Variants in PTH2R observed in about 807,000 individuals in gnomAD.
PTH2R encodes the protein parathyroid hormone 2 receptor, also known as PTH2 receptor.
Under a neutral mutation model 60.3 loss-of-function variants are expected in PTH2R, and 59 were observed. The ratio of observed to expected loss-of-function variants is 0.98; its 90% CI spans 0.79 to 1.22. The LOEUF (loss-of-function observed/expected upper bound fraction) is 1.22. Ranked by LOEUF, PTH2R falls within the 50% of genes most tolerant of loss-of-function variation. The probability of loss-of-function intolerance (pLI) is 0.00; values close to 1 mark genes in which losing one functional copy is unlikely to be tolerated. For missense variants in PTH2R, 749 were observed against 682.6 expected, an observed-to-expected ratio of 1.10 and a Z score of -1.08; for synonymous variants, 256 against 243.8, an observed-to-expected ratio of 1.05 and a Z score of -0.47.
intron 1 of PTH2R, among the ~76,000 whole-genome samples, chr2:208,377,812 A>G (rs895456253): frequency 2.1e-5 from 3 of 145,664 alleles, no homozygotes; most frequent in African/African-American, 7.8e-5. Flanking sequence ...ATCTCAGACG[A>G]TGGGCGGCCG....
upstream of PTH2R, among the ~76,000 whole-genome samples, chr2:208,405,106 CT>C (rs1412129855): frequency 6.6e-6 from 1 of 152,180 alleles, no homozygotes; most frequent in African/African-American, 2.4e-5. Context: ...TTCAAAATAT[CT>C]TTCCCATTAA....
At chr2:208,388,136 C>CCCCG (rs1553541000) in intron 1 of PTH2R, among the ~76,000 whole-genome samples, 1 of 149,114 alleles carries the variant, frequency 6.7e-6, no homozygotes, top group Admixed American at 6.7e-5. Context: ...GGTGAAACCC[C>CCCCG]CCCCCCCGTC....
intron 1 of PTH2R, among the ~76,000 whole-genome samples, chr2:208,415,316 T>C (rs1701618192): frequency 6.6e-6 from 1 of 152,170 alleles, no homozygotes; most frequent in South Asian, 2.1e-4. Flanking sequence ...AAAAGGACAA[T>C]ATTTTGTAAG....
chr2:208,362,837 A>T (rs1700503889), intron 1 of PTH2R, among the ~76,000 whole-genome samples: 1 of 150,466 alleles, frequency 6.6e-6, no homozygotes, highest in Middle Eastern at 3.2e-3. Flanking sequence ...AACACTTATT[A>T]GTGTGTGTGT....
At chr2:208,441,363 G>T (rs1702179885) in intron 4 of PTH2R, among the ~76,000 whole-genome samples, 1 of 152,128 alleles carries the variant, frequency 6.6e-6, no homozygotes, top group South Asian at 2.1e-4. Flanking sequence ...GATGAGTTCT[G>T]GTTCACCTTC....
chr2:208,411,758 G>A (rs532332773), intron 1 of PTH2R, among the ~76,000 whole-genome samples: 14 of 152,058 alleles, frequency 9.2e-5, no homozygotes, highest in South Asian at 6.2e-4. Context: ...GACTTTAGTC[G>A]TTAATTTCAT....
At chr2:208,463,736 T>C (rs527239493) in intron 9 of PTH2R, among the ~76,000 whole-genome samples, 1 of 152,338 alleles carries the variant, frequency 6.6e-6, no homozygotes, top group Admixed American at 6.5e-5. Context: ...CTCCATAAAG[T>C]CATAAAAATA....
intron 1 of PTH2R, among the ~76,000 whole-genome samples, chr2:208,415,410 C>T (rs967772857): frequency 2.0e-5 from 3 of 152,196 alleles, no homozygotes; most frequent in African/African-American, 4.8e-5. Flanking sequence ...ACTACCGCTT[C>T]GCATGGCTGT....
chr2:208,376,769 T>G (rs1700799507), intron 1 of PTH2R, among the ~76,000 whole-genome samples: 2 of 152,124 alleles, frequency 1.3e-5, no homozygotes, highest in African/African-American at 4.8e-5. Flanking sequence ...GTGGGCTCTA[T>G]TCTCTGCAGC....
chr2:208,492,408 T>C (rs1465678300), intron 12 of PTH2R, among the ~76,000 whole-genome samples: 2 of 152,030 alleles, frequency 1.3e-5, no homozygotes, highest in African/African-American at 4.8e-5. Context: ...ACAGAAGTGA[T>C]TTGGGCATTT....
At chr2:208,438,836 A>G (rs540654062) in intron 4 of PTH2R, among the ~76,000 whole-genome samples, 1 of 152,304 alleles carries the variant, frequency 6.6e-6, no homozygotes, top group African/African-American at 2.4e-5. Context: ...ATTTTGCATT[A>G]ATAGAACTTC....
At chr2:208,427,182 T>C (rs942022486) in intron 1 of PTH2R, among the ~76,000 whole-genome samples, 1 of 152,028 alleles carries the variant, frequency 6.6e-6, no homozygotes, top group Non-Finnish European at 1.5e-5. Context: ...TTTCTAGGAT[T>C]GAAGTAAAAG....
chr2:208,490,220 A>G (rs1703372273), intron 11 of PTH2R, among the ~76,000 whole-genome samples: 1 of 152,140 alleles, frequency 6.6e-6, no homozygotes, highest in Non-Finnish European at 1.5e-5. Flanking sequence ...GCATAAGCTC[A>G]GTAAATATTT....
chr2:208,390,112 C>G (rs1158982614), intron 1 of PTH2R, among the ~76,000 whole-genome samples: 2 of 152,122 alleles, frequency 1.3e-5, no homozygotes, highest in Non-Finnish European at 2.9e-5. Flanking sequence ...CTTGTTGCAC[C>G]CTTCTCCTCA....
intron 1 of PTH2R, among the ~76,000 whole-genome samples, chr2:208,363,683 T>G (rs765666284): frequency 3.9e-5 from 6 of 152,210 alleles, no homozygotes; most frequent in Non-Finnish European, 8.8e-5. Context: ...ACATCTGTTA[T>G]TTTTTGACTT....
intron 10 of PTH2R, among the ~76,000 whole-genome samples, chr2:208,485,363 A>G (rs978035188): frequency 9.8e-5 from 15 of 152,292 alleles, no homozygotes; most frequent in Admixed American, 2.6e-4. Flanking sequence ...AGCAAACCAG[A>G]AGACTGCTAT....
Position 208,489,013 on chromosome 2 carries a change from A to C in PTH2R, c.1078A>C (p.Lys360Gln). The change falls in exon 11 of 13, where the codon AAA becomes CAA. Residue 360 changes from lysine to glutamine, a missense_variant and splice_region_variant. Coordinates refer to ENST00000272847, the MANE Select transcript of PTH2R (RefSeq NM_005048.4). ...VGHDTRKQYR[K>Q]LAKSTLVLVL... ...AAAAGACTTGCTGTTCTCCTTTAGG[A>C]AACTGGCCAAATCGACACTGGTCCT... 6.2e-7 allele frequency: 1 copy of C among 1,613,986 alleles called. No homozygotes were observed. Among genetic ancestry groups the C allele is most frequent in the Non-Finnish European group, 8.5e-7 (1 of 1,179,968 alleles).
At chr2:208,418,407 G>A (rs1183299272) in intron 1 of PTH2R, among the ~76,000 whole-genome samples, 1 of 151,086 alleles carries the variant, frequency 6.6e-6, no homozygotes, top group African/African-American at 2.4e-5. Flanking sequence ...TTTTATTAGT[G>A]AGTATAAATG....
intron 1 of PTH2R, among the ~76,000 whole-genome samples, chr2:208,377,849 C>G (rs1345677882): frequency 6.6e-6 from 1 of 151,366 alleles, no homozygotes; most frequent in Non-Finnish European, 1.5e-5. Flanking sequence ...ACTTCCTAGA[C>G]GTGATGGTGG....
Sources: allele counts gnomAD v4.1 joint callset (sites outside exome capture counted in the v4.1 genomes callset), GRCh38; gene constraint gnomAD v4.1.1; transcripts MANE v1.5; gene names NCBI Gene and HGNC (gene_info 2026-07-23, HGNC 2026-07-21).